Variants in GATA3 observed in about 807,000 individuals in gnomAD.
The protein encoded by GATA3 is trans-acting T-cell-specific transcription factor GATA-3.
GATA3 carries 6 observed loss-of-function variants against 36.0 expected under a neutral mutation model. The ratio of observed to expected loss-of-function variants is 0.17; its 90% CI spans 0.09 to 0.33. The LOEUF is 0.33. Ranked by LOEUF, GATA3 falls within the 10% of genes least tolerant of loss-of-function variation. The pLI is 1.00. For synonymous variants in GATA3, 326 were observed against 273.0 expected (o/e 1.19, Z -1.92); for missense variants, 514 against 610.1 (o/e 0.84, Z 1.66).
At chr10:8,063,872 C>T in intron 3 of GATA3, 121 bp from the exon 4 acceptor site, 1 of 1,383,012 alleles carries the variant, frequency 7.2e-7, no homozygotes, top group East Asian at 2.3e-5. Flanking sequence ...ACACGCTCCC[C>T]AAAAGAGGAG....
chr10:8,065,867 A>AG (rs1424327645), intron 4 of GATA3, among the ~76,000 whole-genome samples: 6 of 143,774 alleles, frequency 4.2e-5, no homozygotes, highest in East Asian at 2.0e-4. Context: ...AAGTGTTTGA[A>AG]AAAAAAAAAA....
At chr10:8,063,100 T>C (rs184952859) in intron 3 of GATA3, among the ~76,000 whole-genome samples, 6 of 152,316 alleles carry the variant, frequency 3.9e-5, no homozygotes, top group Non-Finnish European at 5.9e-5. Context: ...TTTGTGTTTT[T>C]GGGAAAAGAG....
chr10:8,073,899 T>C lies in GATA3; in HGVS notation c.1211T>C (p.Leu404Pro). 2 of 1,614,088 alleles carry C rather than the reference T, an allele frequency of 1.2e-6. No individual in the cohort carries two copies. The highest frequency in any genetic ancestry group is 1.7e-6 in the Non-Finnish European group (2 of 1,180,008). ...GCCCTCTCCAGACACATGTCCTCCC[T>C]GAGCCACATCTCGCCCTTCAGCCAC... is the stretch of plus-strand genomic sequence containing the variant. ...PAALSRHMSS[L>P]SHISPFSHSS... Residue 404 changes from leucine to proline, a missense_variant, in exon 6 of 6, where the codon CTG (leucine) becomes CCG (proline). Around this residue, in one of 3 missense-constraint regions of GATA3, gnomAD observed 89 missense variants for 104.2 expected, o/e 0.85. Transcript: ENST00000379328.
upstream of GATA3, among the ~76,000 whole-genome samples, chr10:8,048,871 G>A (rs973366039): frequency 6.6e-6 from 1 of 152,046 alleles, no homozygotes. Context: ...TACAATCAGG[G>A]GTTTTCTCAA....
In GATA3 at chr10:8,058,448, C is replaced by T. The variant is rs1832682663; in HGVS notation, c.385C>T (p.Pro129Ser). The change falls in exon 3 of 6, where the codon CCC becomes TCC. Residue 129 changes from proline to serine, a missense_variant. Coordinates refer to ENST00000379328, the MANE Select transcript of GATA3 (RefSeq NM_001002295.2). The part of the protein sequence containing the change: ...KTSIHHGSPG[P>S]LSVYPPASSS... ...GTCCATCCACCACGGCTCCCCGGGG[C>T]CCCTCTCCGTCTACCCCCCGGCCTC... is the stretch of plus-strand genomic sequence containing the variant. 3 of 1,612,856 alleles carry T rather than the reference C, an allele frequency of 1.9e-6. No homozygotes were observed. Among genetic ancestry groups the T allele is most frequent in the East Asian group, 4.5e-5 (2 of 44,876 alleles).
rs2131483394 is a variant in GATA3 at position 8,055,942 on chromosome 10, G to A, written c.241+46G>A. ...GGGGCTCCCGCCGGCCGCTTCAGCC[G>A]TCCCGGCTCGGGGAGGTCGGGAGGG... On this transcript the variant is annotated intron_variant, in intron 2 of 5. Transcript: ENST00000379328. The surrounding 1 kb of genome is among the most constrained non-coding windows in gnomAD (Gnocchi z 5.4). The A allele has an allele frequency of 1.3e-6, 2 of 1,549,396 alleles. No individual in the cohort carries two copies. Among genetic ancestry groups the A allele is most frequent in the Non-Finnish European group, 1.7e-6 (2 of 1,146,144 alleles).
At chr10:8,048,177 G>A (rs993628195) in intron 1 of GATA3, among the ~76,000 whole-genome samples, 5 of 152,194 alleles carry the variant, frequency 3.3e-5, no homozygotes, top group African/African-American at 4.8e-5. Context: ...GAAGCAGACG[G>A]AGGAGACTCG....
intron 2 of GATA3, 80 bp from the exon 3 acceptor site, chr10:8,058,225 T>C: frequency 1.3e-6 from 2 of 1,483,022 alleles, no homozygotes; most frequent in Non-Finnish European, 9.4e-7. Flanking sequence ...GAGGTAGAGA[T>C]TCCCCAGGTG....
chr10:8,046,462 G>A (rs1490212704), intron 1 of GATA3, among the ~76,000 whole-genome samples: 1 of 152,120 alleles, frequency 6.6e-6, no homozygotes, highest in Non-Finnish European at 1.5e-5. Flanking sequence ...TGCTGGGGTC[G>A]CAGATGGGAG....
At chr10:8,047,129 G>A (rs1363542259) in intron 1 of GATA3, among the ~76,000 whole-genome samples, 2 of 152,252 alleles carry the variant, frequency 1.3e-5, no homozygotes, top group East Asian at 1.9e-4. Flanking sequence ...GCAGAGAAGG[G>A]ATGGGAGTGG....
At chr10:8,051,177 G>T (rs975957429), upstream of GATA3, 12 of 481,026 alleles carry the variant, frequency 2.5e-5, no homozygotes, top group Non-Finnish European at 5.1e-5. Context: ...ACTTGCACGT[G>T]GGCATGTGTT....
chr10:8,057,599 G>C (rs1445807267), intron 2 of GATA3, among the ~76,000 whole-genome samples: 1 of 152,120 alleles, frequency 6.6e-6, no homozygotes, highest in African/African-American at 2.4e-5. Flanking sequence ...GTCCAGCCTT[G>C]GGAACTTTCT....
chr10:8,047,049 A>G (rs1832400326), intron 1 of GATA3, among the ~76,000 whole-genome samples: 1 of 152,180 alleles, frequency 6.6e-6, no homozygotes, highest in Non-Finnish European at 1.5e-5. Context: ...GGCAAGCTGC[A>G]TTTTTCTTTA....
chr10:8,064,299 T>TTTC (rs769669528), intron 4 of GATA3, among the ~76,000 whole-genome samples, 161 bp downstream of exon 4: 1 of 94,124 alleles, frequency 1.1e-5, no homozygotes, highest in Non-Finnish European at 2.3e-5. Flanking sequence ...CTTTCTTTCT[T>TTTC]TTCTTCTTCT....
upstream of GATA3, chr10:8,053,714 G>C (rs550810582): frequency 6.6e-6 from 1 of 152,474 alleles, no homozygotes; most frequent in Non-Finnish European, 1.5e-5. The surrounding 1 kb of genome is among the most constrained non-coding windows in gnomAD (Gnocchi z 5.1). Context: ...CCAGAGGCCG[G>C]GGTTGGGGTC....
intron 1 of GATA3, among the ~76,000 whole-genome samples, chr10:8,046,936 C>G (rs59853065): frequency 6.6e-6 from 1 of 152,132 alleles, no homozygotes; most frequent in Non-Finnish European, 1.5e-5. Context: ...TTAGAAAATG[C>G]GGAGCGGCTG....
At chr10:8,064,584 CGT>C (rs1164894040) in intron 4 of GATA3, among the ~76,000 whole-genome samples, 4 of 152,130 alleles carry the variant, frequency 2.6e-5, no homozygotes. Flanking sequence ...GAAGTTGTGG[CGT>C]GTGGCTTCCC....
Position 8,055,108 on chromosome 10 carries a change from C to A in GATA3, c.-369-179C>A, listed in dbSNP as rs997052361. Among the ~76,000 whole-genome samples, 1 of 152,016 alleles carries A rather than the reference C, an allele frequency of 6.6e-6. No individual in the cohort carries two copies. The highest frequency in any genetic ancestry group is 1.5e-5 in the Non-Finnish European group (1 of 67,946). On this transcript the variant is annotated intron_variant, in intron 1 of 5. Transcript: ENST00000379328. The surrounding 1 kb of genome is among the most constrained non-coding windows in gnomAD (Gnocchi z 5.4). Reference sequence around the variant, plus strand: ...TTGCCCTCCAAGTTGCTCAGCCAGCCCCGGCTCCCGCGAGCCGGGCTGCAG... The same window carrying A: ...TTGCCCTCCAAGTTGCTCAGCCAGCACCGGCTCCCGCGAGCCGGGCTGCAG...
intron 5 of GATA3, 124 bp from the exon 6 acceptor site, chr10:8,073,615 C>A (rs1297595100): frequency 1.0e-5 from 11 of 1,097,478 alleles, no homozygotes; most frequent in Middle Eastern, 2.4e-4. Flanking sequence ...AAGGGGCCAG[C>A]TGAAATGGAA....
Sources: gnomAD v4.1 joint callset for allele counts (sites outside exome capture counted in the v4.1 genomes callset) on GRCh38, gnomAD v4.1.1 for gene constraint, gnomAD v4.1.1 regional missense constraint, Gnocchi (gnomAD v3.1) non-coding constraint, MANE v1.5 for transcripts, NCBI Gene and HGNC (gene_info 2026-07-23, HGNC 2026-07-21) for gene names.